ATP6V0E1: variants seen among roughly 807,000 people sequenced by gnomAD.
ATP6V0E1 encodes V-type proton ATPase subunit e 1.
A neutral mutation model predicts 11.6 loss-of-function variants in ATP6V0E1; 4 were observed. The observed-to-expected ratio is 0.35, with a 90% CI of 0.17 to 0.79. The LOEUF is 0.79. Among genes scored for constraint, ATP6V0E1 ranks in the 30% least tolerant of loss-of-function variants. ATP6V0E1 has a pLI of 0.54. For synonymous variants in ATP6V0E1, 36 were observed against 34.8 expected (o/e 1.04, Z -0.13); for missense variants, 105 against 100.0 (o/e 1.05, Z -0.21).
chr5:173,002,382 T>G (rs1226819569), intron 2 of ATP6V0E1, among the ~76,000 whole-genome samples: 2 of 152,228 alleles, frequency 1.3e-5, no homozygotes. Flanking sequence ...ATAGGCTTCT[T>G]CTCCATATCT....
At chr5:173,021,843 T>C (rs973793790) in intron 3 of ATP6V0E1, among the ~76,000 whole-genome samples, 1 of 152,054 alleles carries the variant, frequency 6.6e-6, no homozygotes. Flanking sequence ...GGTCACGAGA[T>C]CGAGACCACG....
At chr5:173,032,299 T>A (rs1479146821) in intron 3 of ATP6V0E1, among the ~76,000 whole-genome samples, 1 of 149,910 alleles carries the variant, frequency 6.7e-6, no homozygotes, top group Admixed American at 6.7e-5. Flanking sequence ...ATTTATTTAT[T>A]TATTTTGAGA....
At chr5:173,012,568 T>C (rs559890736) in intron 2 of ATP6V0E1, among the ~76,000 whole-genome samples, 2 of 151,218 alleles carry the variant, frequency 1.3e-5, no homozygotes, top group East Asian at 4.0e-4. Context: ...GCCTGACCAA[T>C]ACGCAGAAAC....
chr5:173,004,585 TAGTG>T (rs1244357976), intron 2 of ATP6V0E1, among the ~76,000 whole-genome samples: 1 of 152,074 alleles, frequency 6.6e-6, no homozygotes, highest in Non-Finnish European at 1.5e-5. Flanking sequence ...TTACATCAAA[TAGTG>T]AGATGAGTGC....
In ATP6V0E1 at chr5:173,002,492, G is replaced by A. The variant is rs144297974; in HGVS notation, c.152+7670G>A. Among the ~76,000 whole-genome samples the A allele has an allele frequency of 1.1e-3, 162 of 152,202 alleles. 1 individual carries two copies. Among genetic ancestry groups the A allele is most frequent in the African/African-American group, 3.7e-3 (153 of 41,550 alleles). The stretch of plus-strand genomic sequence containing the variant: ...AATTGCATACTCATGGTGGTAACAC[G>A]TTCTTCTGTATTTTCTATGAATTGG... On this transcript the variant is annotated intron_variant, in intron 2 of 3. Coordinates refer to ENST00000519374, the MANE Select transcript of ATP6V0E1 (RefSeq NM_003945.4).
chr5:173,015,938 C>G (rs924906603), intron 2 of ATP6V0E1, among the ~76,000 whole-genome samples: 9 of 152,150 alleles, frequency 5.9e-5, no homozygotes, highest in African/African-American at 1.9e-4. Flanking sequence ...GTTGGCCAGG[C>G]TGATCTCGAA....
chr5:172,983,962 G>T lies in ATP6V0E1; in HGVS notation c.102G>T (p.Arg34=), dbSNP rs756546246. ...VPWFIPKGPN[R]GVIITMLVTC... The stretch of plus-strand genomic sequence containing the variant: ...GGTTCATCCCTAAGGGTCCTAACCG[G>T]GGGTAAGTGCGTGAGGCCCGCCTTG... Residue 34 remains arginine (R), a splice_region_variant and synonymous_variant, in exon 1 of 4, where the codon CGG becomes CGT. Transcript: ENST00000519374. 4 of 1,612,372 alleles carry T rather than the reference G, an allele frequency of 2.5e-6. No homozygotes were observed. The highest frequency in any genetic ancestry group is 2.5e-6 in the Non-Finnish European group (3 of 1,179,766).
chr5:172,997,895 T>C (rs1166733949), intron 2 of ATP6V0E1, among the ~76,000 whole-genome samples: 1 of 151,748 alleles, frequency 6.6e-6, no homozygotes, highest in Non-Finnish European at 1.5e-5. Flanking sequence ...GGCGGGCAGA[T>C]CACTTGAGCC....
intron 3 of ATP6V0E1, chr5:173,020,806 A>T (rs1321166426): frequency 1.2e-5 from 6 of 519,634 alleles, no homozygotes; most frequent in Non-Finnish European, 2.3e-5. Context: ...TCTTGTCTTC[A>T]TCCGGTTGCC....
chr5:172,984,021 G>A (rs1038487571), intron 1 of ATP6V0E1, 57 bp downstream of exon 1: 2 of 1,533,212 alleles, frequency 1.3e-6, no homozygotes, highest in East Asian at 2.2e-5. Flanking sequence ...AGCAGGCCGG[G>A]GCGGGGAAAG....
chr5:173,025,968 G>A (rs1429186864), intron 3 of ATP6V0E1, among the ~76,000 whole-genome samples: 1 of 151,960 alleles, frequency 6.6e-6, no homozygotes, highest in Non-Finnish European at 1.5e-5. Flanking sequence ...GACATGCCTC[G>A]GCAATATATC....
chr5:172,997,021 A>G (rs1164882001), intron 2 of ATP6V0E1, among the ~76,000 whole-genome samples: 2 of 152,072 alleles, frequency 1.3e-5, no homozygotes, highest in Non-Finnish European at 2.9e-5. Flanking sequence ...CAGTTCAAGA[A>G]AAGCCTATCA....
At chr5:172,985,457 A>G (rs945201413) in intron 1 of ATP6V0E1, among the ~76,000 whole-genome samples, 22 of 152,046 alleles carry the variant, frequency 1.4e-4, no homozygotes, top group Non-Finnish European at 2.4e-4. Context: ...TCTCCTACCT[A>G]TAGAGGTTGA....
intron 2 of ATP6V0E1, among the ~76,000 whole-genome samples, chr5:172,997,359 A>C (rs557319417): frequency 1.3e-5 from 2 of 152,226 alleles, no homozygotes; most frequent in Non-Finnish European, 2.9e-5. Flanking sequence ...AATGTCAGTA[A>C]TATGCAAGAC....
chr5:172,987,090 G>A, intron 1 of ATP6V0E1: 2 of 201,598 alleles, frequency 9.9e-6, no homozygotes, highest in South Asian at 6.4e-5. Context: ...CCGGCTGGAA[G>A]ATACATTTTT....
In ATP6V0E1 at chr5:172,983,814, G is replaced by T. The variant is rs1755838756; in HGVS notation, c.-47G>T. 6.4e-7 allele frequency: 1 copy of T among 1,572,590 alleles called. No homozygotes were observed. The highest frequency in any genetic ancestry group is 1.7e-5 in the Admixed American group (1 of 59,936). ...GTCAGCTATTGACACTTCCTGGTGG[G>T]ATCCGAGTGAGGCGACGGGGTAGGG... On this transcript the variant is annotated 5_prime_UTR_variant, in exon 1 of 4. Coordinates refer to ENST00000519374, the MANE Select transcript of ATP6V0E1 (RefSeq NM_003945.4).
At chr5:173,008,071 T>C (rs576448600) in intron 2 of ATP6V0E1, among the ~76,000 whole-genome samples, 4 of 152,260 alleles carry the variant, frequency 2.6e-5, no homozygotes, top group African/African-American at 9.6e-5. Flanking sequence ...CTCCGCGACC[T>C]CCGGCCTACG....
In ATP6V0E1 at chr5:173,013,543, C is replaced by T. The variant is rs192697765; in HGVS notation, c.153-6695C>T. ...TGAGCTGAGATTGCGCCACTGCACT[C>T]CAGCCTGGGCGACAGAGCCAGACTC... On this transcript the variant is annotated intron_variant, in intron 2 of 3. Transcript: ENST00000519374. Among the ~76,000 whole-genome samples the T allele has an allele frequency of 6.2e-3, 918 of 147,880 alleles. 17 individuals carry two copies. Among genetic ancestry groups the T allele is most frequent in the African/African-American group, 0.022 (862 of 39,778 alleles).
chr5:172,990,535 T>C (rs1755963370), intron 1 of ATP6V0E1, among the ~76,000 whole-genome samples: 1 of 152,040 alleles, frequency 6.6e-6, no homozygotes, highest in Non-Finnish European at 1.5e-5. Flanking sequence ...TTATAAATAA[T>C]AGAGATGGGC....
Sources: gnomAD v4.1 joint callset for allele counts (sites outside exome capture counted in the v4.1 genomes callset) on GRCh38, gnomAD v4.1.1 for gene constraint, MANE v1.5 for transcripts, NCBI Gene and HGNC (gene_info 2026-07-23, HGNC 2026-07-21) for gene names.